The following DLGAP2 variants were observed in gnomAD, a reference collection of about 807,000 sequenced individuals.
DLGAP2 encodes disks large-associated protein 2.
In DLGAP2, 26 loss-of-function variants were observed where a neutral mutation model predicts 100.3. That is an observed-to-expected ratio of 0.26 (90% CI 0.19 to 0.36). The LOEUF is 0.36. Among genes scored for constraint, DLGAP2 ranks in the 10% least tolerant of loss-of-function variants. The pLI is 1.00. For missense variants in DLGAP2, 1,858 were observed against 1,453.2 expected (o/e 1.28, Z -4.53); for synonymous variants, 886 against 630.1 (o/e 1.41, Z -6.08).
At chr8:1,017,534 G>A (rs1801493941) in intron 2 of DLGAP2, among the ~76,000 whole-genome samples, 1 of 123,798 alleles carries the variant, frequency 8.1e-6, no homozygotes, top group Admixed American at 8.3e-5. Flanking sequence ...CACTGTGTGT[G>A]ACCAGGACAG....
At chr8:1,424,254 G>A (rs897617620) in intron 3 of DLGAP2, among the ~76,000 whole-genome samples, 2 of 152,222 alleles carry the variant, frequency 1.3e-5, no homozygotes, top group Admixed American at 1.3e-4. Context: ...CACAGCAAAA[G>A]GGGGTCCCTT....
chr8:1,424,063 A>G (rs953242119), intron 3 of DLGAP2, among the ~76,000 whole-genome samples: 1 of 152,214 alleles, frequency 6.6e-6, no homozygotes, highest in Admixed American at 6.5e-5. Context: ...CTCCTGTGTG[A>G]GATACTCTCC....
In DLGAP2 at chr8:1,210,035, C is replaced by T. The variant is rs984440762; in HGVS notation, c.74-48816C>T. 1.2e-4 allele frequency among the ~76,000 whole-genome samples: 18 copies of T among 151,778 alleles called. 1 individual carries two copies. The highest frequency in any genetic ancestry group is 9.2e-4 in the Admixed American group (14 of 15,278). ...GTCAGTCATGGTGCTCAGTCATCCA[C>T]CTCGCCCCAGTGTCTTACAACCCCT... On this transcript the variant is annotated intron_variant, in intron 2 of 14. Transcript: ENST00000637795.
At chr8:916,286 C>T (rs1245136491) in intron 2 of DLGAP2, among the ~76,000 whole-genome samples, 1 of 152,206 alleles carries the variant, frequency 6.6e-6, no homozygotes, top group East Asian at 1.9e-4. Flanking sequence ...GCTGATGTCA[C>T]TCATGAAACC....
At chr8:1,541,048 C>T (rs1801346185) in intron 4 of DLGAP2, among the ~76,000 whole-genome samples, 1 of 152,170 alleles carries the variant, frequency 6.6e-6, no homozygotes, top group African/African-American at 2.4e-5. Flanking sequence ...CGGAGCCCTT[C>T]CTCTCAAGAG....
At chr8:1,679,693 C>G (rs1798897356) in intron 12 of DLGAP2, among the ~76,000 whole-genome samples, 1 of 152,302 alleles carries the variant, frequency 6.6e-6, no homozygotes, top group African/African-American at 2.4e-5. Context: ...ACCATCAAGA[C>G]CGTTCAGGCC....
intron 2 of DLGAP2, among the ~76,000 whole-genome samples, chr8:1,253,144 G>A (rs1178003558): frequency 6.6e-6 from 1 of 152,230 alleles, no homozygotes; most frequent in Non-Finnish European, 1.5e-5. Context: ...TTCATGGCTG[G>A]GTTGGAACCA....
In DLGAP2 at chr8:1,706,525, G is replaced by A. The variant is rs565388454; in HGVS notation, c.*5119G>A. On this transcript the variant is annotated 3_prime_UTR_variant, in exon 15 of 15. Coordinates refer to ENST00000637795, the MANE Select transcript of DLGAP2 (RefSeq NM_001346810.2). ...GGACCACCAGAGGCAGAGGCCATGA[G>A]ACTGTCTTTGGAAAGGTTTGGAAAT... 4.1e-4 allele frequency: 62 copies of A among 152,286 alleles called. No homozygotes were observed. The highest frequency in any genetic ancestry group is 1.4e-3 in the African/African-American group (60 of 41,546). 9.4% of individuals were successfully genotyped at this position (152,286 alleles called of 1,614,324 possible).
At chr8:1,087,864 T>C (rs1055920787) in intron 2 of DLGAP2, among the ~76,000 whole-genome samples, 1 of 152,258 alleles carries the variant, frequency 6.6e-6, no homozygotes, top group African/African-American at 2.4e-5. Flanking sequence ...TGCAAAGCTC[T>C]GGATCCTTCT....
chr8:1,518,612 C>T (rs62487188), intron 4 of DLGAP2, among the ~76,000 whole-genome samples: 1 of 152,034 alleles, frequency 6.6e-6, no homozygotes, highest in African/African-American at 2.4e-5. Flanking sequence ...GCCCAGACAC[C>T]CTTATGTTCC....
At chr8:1,436,362 C>T (rs1797628641) in intron 3 of DLGAP2, among the ~76,000 whole-genome samples, 1 of 152,190 alleles carries the variant, frequency 6.6e-6, no homozygotes, top group Non-Finnish European at 1.5e-5. Flanking sequence ...AACATGGAGG[C>T]TGGAAGACTC....
At chr8:1,363,009 C>A (rs28559595) in intron 3 of DLGAP2, among the ~76,000 whole-genome samples, 4 of 152,232 alleles carry the variant, frequency 2.6e-5, no homozygotes, top group South Asian at 2.1e-4. Context: ...TCAGCCCCAC[C>A]GCCGGACACA....
chr8:1,643,022 G>C (rs374024947), intron 8 of DLGAP2, among the ~76,000 whole-genome samples: 2 of 1,122 alleles, frequency 1.8e-3, no homozygotes, highest in Non-Finnish European at 1.8e-3. Flanking sequence ...TGTCACCCTC[G>C]AACCCGCCGG....
intron 3 of DLGAP2, among the ~76,000 whole-genome samples, chr8:1,376,423 G>T (rs1802389638): frequency 1.3e-5 from 2 of 152,246 alleles, no homozygotes; most frequent in African/African-American, 2.4e-5. Flanking sequence ...CATGGCCTCT[G>T]TGCCCACCTG....
At chr8:1,099,583 T>G (rs185960676) in intron 2 of DLGAP2, among the ~76,000 whole-genome samples, 1 of 152,310 alleles carries the variant, frequency 6.6e-6, no homozygotes, top group East Asian at 1.9e-4. Flanking sequence ...CCAGGAGGAT[T>G]AGGAAAAGTG....
At position 1,087,551 on chromosome 8, in the gene DLGAP2, C is replaced by CT. The variant is rs1308752157; in HGVS notation, c.74-171299dup. On this transcript the variant is annotated intron_variant, in intron 2 of 14. Transcript: ENST00000637795. The stretch of plus-strand genomic sequence containing the variant: ...ATGTGTGACTCCTCTTTCTCTCTCT[C>CT]TCTTTTTTTTTTTTTCATGTTCTCT... 2.9e-5 allele frequency among the ~76,000 whole-genome samples: 3 copies of CT among 103,924 alleles called. No individual in the cohort carries two copies. In the East Asian group the frequency reaches 6.3e-4, roughly 22 times the overall value. The allele number at this position is 103,924 out of a possible 152,430, so 68.2% of individuals were successfully genotyped here.
At chr8:818,300 C>G (rs1010464079) in intron 1 of DLGAP2, among the ~76,000 whole-genome samples, 1 of 152,268 alleles carries the variant, frequency 6.6e-6, no homozygotes, top group South Asian at 2.1e-4. Context: ...CAGTGACAGA[C>G]CTCACCCCAC....
chr8:1,522,869 G>T (rs1303919949), intron 4 of DLGAP2, among the ~76,000 whole-genome samples: 1 of 152,236 alleles, frequency 6.6e-6, no homozygotes, highest in African/African-American at 2.4e-5. Flanking sequence ...ATGATATCAT[G>T]CATTTTGGCA....
chr8:1,438,372 C>G (rs1584903942), intron 3 of DLGAP2, among the ~76,000 whole-genome samples: 1 of 152,120 alleles, frequency 6.6e-6, no homozygotes, highest in South Asian at 2.1e-4. Context: ...TAAATCTCAT[C>G]AGATTCGCTG....
Sources: gnomAD v4.1 joint callset for allele counts (sites outside exome capture counted in the v4.1 genomes callset) on GRCh38, gnomAD v4.1.1 for gene constraint, MANE v1.5 for transcripts, NCBI Gene and HGNC (gene_info 2026-07-23, HGNC 2026-07-21) for gene names.